The following GLRB variants were observed in gnomAD, a reference collection of about 807,000 sequenced individuals.
GLRB encodes the protein glycine receptor beta, also known as glycine receptor subunit beta.
In GLRB, 33 loss-of-function variants were observed where a neutral mutation model predicts 54.2. That is an observed-to-expected ratio of 0.61 (90% CI 0.46 to 0.81). GLRB has a LOEUF of 0.81. Among genes scored for constraint, GLRB ranks in the 40% least tolerant of loss-of-function variants. GLRB has a pLI of 0.00. For synonymous variants in GLRB, 209 were observed against 208.2 expected (o/e 1.00, Z -0.03); for missense variants, 572 against 584.6 (o/e 0.98, Z 0.22).
chr4:157,132,287 T>C (rs1736244748), intron 4 of GLRB, among the ~76,000 whole-genome samples: 1 of 151,792 alleles, frequency 6.6e-6, no homozygotes, highest in Admixed American at 6.6e-5. Context: ...AAGAGTTCTT[T>C]GTATATATCT....
chr4:157,138,806 T>C lies in GLRB; in HGVS notation c.611-3T>C, dbSNP rs751863396. ...ACTAACATTTATTTGTTTTTGTTTATAGTTGGTTACACAACTGATGATTTA... is the reference window on the plus strand; with the variant it reads ...ACTAACATTTATTTGTTTTTGTTTACAGTTGGTTACACAACTGATGATTTA... On this transcript the variant is annotated splice_region_variant and splice_polypyrimidine_tract_variant and intron_variant, in intron 6 of 9. Coordinates refer to ENST00000264428, the MANE Select transcript of GLRB (RefSeq NM_000824.5). 3.4e-6 allele frequency: 5 copies of C among 1,455,782 alleles called. No individual in the cohort carries two copies. In the Admixed American group the frequency reaches 5.0e-5, roughly 15 times the overall value. 90.2% of individuals were successfully genotyped at this position (1,455,782 alleles called of 1,614,324 possible). A position where few individuals can be genotyped will look rare whatever the true frequency, so the allele number is the denominator to read the frequency against.
chr4:157,133,236 G>A (rs1736281651), intron 4 of GLRB, among the ~76,000 whole-genome samples: 2 of 151,790 alleles, frequency 1.3e-5, no homozygotes, highest in African/African-American at 4.8e-5. Context: ...TTGGGGCCAG[G>A]TTTCATGCTT....
intron 2 of GLRB, among the ~76,000 whole-genome samples, chr4:157,084,898 G>T (rs1342230039): frequency 1.3e-5 from 2 of 152,136 alleles, no homozygotes; most frequent in Non-Finnish European, 2.9e-5. Flanking sequence ...AAATATTCGA[G>T]ACAAAGACAT....
intron 2 of GLRB, among the ~76,000 whole-genome samples, chr4:157,115,209 GT>G (rs1376158800): frequency 1.4e-5 from 2 of 145,896 alleles, no homozygotes; most frequent in Non-Finnish European, 3.0e-5. Flanking sequence ...AACCCTCTCA[GT>G]TTGTTCCGGT....
chr4:157,101,816 T>G (rs1038529500), intron 2 of GLRB, among the ~76,000 whole-genome samples: 2,263 of 34,082 alleles, frequency 0.066, no homozygotes, highest in Non-Finnish European at 0.074. Context: ...TTTTTTTTGG[T>G]GGGGGGGAGG....
chr4:157,127,888 A>G (rs917304170), intron 4 of GLRB, among the ~76,000 whole-genome samples: 1 of 151,910 alleles, frequency 6.6e-6, no homozygotes, highest in African/African-American at 2.4e-5. Flanking sequence ...GAACTGTAAG[A>G]TACTAAATGT....
intron 2 of GLRB, chr4:157,084,566 GA>G: frequency 2.2e-6 from 1 of 455,772 alleles, no homozygotes; most frequent in South Asian, 1.5e-5. Flanking sequence ...TGTGTGTTGA[GA>G]AAATGTGATT....
At chr4:157,108,162 A>G (rs1406315905) in intron 2 of GLRB, among the ~76,000 whole-genome samples, 1 of 152,124 alleles carries the variant, frequency 6.6e-6, no homozygotes, top group Non-Finnish European at 1.5e-5. Context: ...ACGGAGATGT[A>G]TTATACAAGG....
chr4:157,162,677 G>T (rs910048897), intron 9 of GLRB, among the ~76,000 whole-genome samples: 6 of 152,142 alleles, frequency 3.9e-5, no homozygotes, highest in African/African-American at 1.4e-4. Flanking sequence ...AAATGTTGCT[G>T]CCTGATCCTT....
intron 7 of GLRB, among the ~76,000 whole-genome samples, chr4:157,142,985 C>T (rs554186700): frequency 3.0e-4 from 46 of 152,040 alleles, no homozygotes; most frequent in Non-Finnish European, 6.3e-4. Flanking sequence ...TGAGCATATT[C>T]GTGTTACTAT....
intron 6 of GLRB, 66 bp from the exon 7 acceptor site, chr4:157,138,743 A>T (rs115240056): frequency 1.2e-6 from 1 of 819,450 alleles, no homozygotes; most frequent in Admixed American, 2.0e-5. Context: ...GATTTGAATT[A>T]TGAAAATATT....
At chr4:157,122,207 A>ATT in intron 3 of GLRB, 123 bp from the exon 4 acceptor site, 1 of 488,792 alleles carries the variant, frequency 2.0e-6, no homozygotes, top group South Asian at 3.7e-5. Flanking sequence ...GAGACCATAG[A>ATT]TTTTTTGCAT....
chr4:157,138,726 T>A (rs1249390143), intron 6 of GLRB, 83 bp from the exon 7 acceptor site: 1 of 745,178 alleles, frequency 1.3e-6, no homozygotes, highest in African/African-American at 1.8e-5. Context: ...TCCTTTGCTA[T>A]GTTTAAGATT....
chr4:157,129,375 A>G (rs949045892), intron 4 of GLRB, among the ~76,000 whole-genome samples: 1 of 151,836 alleles, frequency 6.6e-6, no homozygotes, highest in Non-Finnish European at 1.5e-5. Flanking sequence ...ATCTTAATAT[A>G]AAGCATTTGA....
At chr4:157,161,470 G>A (rs1033383948) in intron 9 of GLRB, among the ~76,000 whole-genome samples, 42 of 152,162 alleles carry the variant, frequency 2.8e-4, no homozygotes, top group Non-Finnish European at 4.6e-4. Flanking sequence ...GGCTGGTACA[G>A]GTTGTTCCTT....
At chr4:157,103,182 A>T (rs1479027889) in intron 2 of GLRB, among the ~76,000 whole-genome samples, 2 of 151,910 alleles carry the variant, frequency 1.3e-5, no homozygotes. Flanking sequence ...AAGAAAGTGA[A>T]GTAGGGACAA....
chr4:157,168,618 A>G lies in GLRB; in HGVS notation c.1198-1814A>G, dbSNP rs1737805939. ...ATAAGTCAACATGTTGGTGATTTAC[A>G]TCTTTTTTTTCAAATATCAAATGTA... On this transcript the variant is annotated intron_variant, in intron 9 of 9. Transcript: ENST00000264428. Among the ~76,000 whole-genome samples, 3 of 152,240 alleles carry G rather than the reference A, an allele frequency of 2.0e-5. No homozygotes were observed. In the South Asian group the frequency reaches 6.2e-4, roughly 31 times the overall value.
intron 2 of GLRB, 169 bp downstream of exon 2, chr4:157,078,315 G>T: frequency 1.5e-6 from 1 of 656,924 alleles, no homozygotes; most frequent in Non-Finnish European, 1.9e-6. Flanking sequence ...TAGAATGTAA[G>T]AATTAATTCC....
intron 2 of GLRB, among the ~76,000 whole-genome samples, chr4:157,101,936 A>C (rs1041432271): frequency 1.3e-5 from 2 of 152,068 alleles, no homozygotes; most frequent in African/African-American, 4.8e-5. Flanking sequence ...GGTACTATTC[A>C]CTTTTTATCG....
Sources: allele counts gnomAD v4.1 joint callset (sites outside exome capture counted in the v4.1 genomes callset), GRCh38; gene constraint gnomAD v4.1.1; transcripts MANE v1.5; gene names NCBI Gene and HGNC (gene_info 2026-07-23, HGNC 2026-07-21).